The following INSC variants were observed in gnomAD, a reference collection of about 807,000 sequenced individuals.
INSC encodes the protein protein inscuteable homolog.
In INSC, 67 loss-of-function variants were observed where a neutral mutation model predicts 58.6. The ratio of observed to expected loss-of-function variants is 1.14; its 90% CI spans 0.94 to 1.40. The LOEUF (loss-of-function observed/expected upper bound fraction) is 1.40. INSC is among the 40% of genes most tolerant of loss of function. The probability of loss-of-function intolerance (pLI) is 0.00; values close to 1 mark genes in which losing one functional copy is unlikely to be tolerated. For missense variants in INSC, 714 were observed against 692.0 expected, an observed-to-expected ratio of 1.03 and a Z score of -0.36; for synonymous variants, 262 against 276.1, an observed-to-expected ratio of 0.95 and a Z score of 0.51.
intron 1 of INSC, among the ~76,000 whole-genome samples, chr11:15,126,831 C>T (rs1044950202): frequency 6.6e-6 from 1 of 152,188 alleles, no homozygotes; most frequent in Non-Finnish European, 1.5e-5. Flanking sequence ...CCCATCTTGA[C>T]CCAGACAAAA....
At chr11:15,133,853 AT>A (rs1848180210) in intron 1 of INSC, among the ~76,000 whole-genome samples, 1 of 152,234 alleles carries the variant, frequency 6.6e-6, no homozygotes, top group Non-Finnish European at 1.5e-5. Flanking sequence ...AAGCATCATT[AT>A]TCATCCTTTA....
chr11:15,240,534 A>T lies in INSC; in HGVS notation c.1470+11A>T, dbSNP rs140254270. On this transcript the variant is annotated intron_variant, in intron 12 of 12. Coordinates refer to ENST00000379556, the MANE Select transcript of INSC (RefSeq NM_001042536.3). Reference sequence around the variant, plus strand: ...CTTGTGGCCTGCCTGGTGAGTTCTCAGTCTTCCCCCAGCTTTTCCCCTGGC... The same window carrying T: ...CTTGTGGCCTGCCTGGTGAGTTCTCTGTCTTCCCCCAGCTTTTCCCCTGGC... 7 of 1,610,830 alleles carry T rather than the reference A, an allele frequency of 4.3e-6. No individual in the cohort carries two copies. In the Admixed American group the frequency reaches 1.2e-4, roughly 27 times the overall value.
intron 1 of INSC, among the ~76,000 whole-genome samples, chr11:15,125,242 G>C (rs1265543054): frequency 6.6e-6 from 1 of 152,202 alleles, no homozygotes; most frequent in African/African-American, 2.4e-5. Context: ...AGGCATGCTT[G>C]AGAAAGAGCC....
At chr11:15,121,083 T>C (rs1847861450) in intron 1 of INSC, among the ~76,000 whole-genome samples, 1 of 151,764 alleles carries the variant, frequency 6.6e-6, no homozygotes, top group Non-Finnish European at 1.5e-5. Context: ...TGTTTATGTT[T>C]CTGATTAATT....
chr11:15,123,636 G>A (rs749886889), intron 1 of INSC, among the ~76,000 whole-genome samples: 5 of 152,136 alleles, frequency 3.3e-5, no homozygotes, highest in Non-Finnish European at 5.9e-5. Context: ...CTTTTGGGAG[G>A]CTGGTGACAG....
rs116481872 is a variant in INSC, at chr11:15,115,854, C to T, written c.-46+851C>T. Among the ~76,000 whole-genome samples the T allele has an allele frequency of 8.6e-3, 1,305 of 152,350 alleles. 18 individuals are homozygous for T. Among genetic ancestry groups the T allele is most frequent in the African/African-American group, 0.03 (1,247 of 41,574 alleles). On this transcript the variant is annotated intron_variant, in intron 1 of 12. Transcript: ENST00000379556. The stretch of plus-strand genomic sequence containing the variant: ...CAACGACATGTATGCAACATGCACC[C>T]ACTTTGTTCAATGCATATGCGCAAA...
intron 8 of INSC, among the ~76,000 whole-genome samples, chr11:15,223,274 T>G (rs1376842424): frequency 6.6e-6 from 1 of 152,244 alleles, no homozygotes; most frequent in South Asian, 2.1e-4. Flanking sequence ...CTTTCACTAT[T>G]GTCATGTATT....
chr11:15,190,691 CTCT>C lies in INSC; in HGVS notation c.580-5_580-3del. 4.4e-6 allele frequency: 7 copies of C among 1,600,412 alleles called. No homozygotes were observed. Among genetic ancestry groups the C allele is most frequent in the Non-Finnish European group, 6.0e-6 (7 of 1,167,530 alleles). On this transcript the variant is annotated splice_region_variant and splice_polypyrimidine_tract_variant and intron_variant, in intron 5 of 12. Coordinates refer to ENST00000379556, the MANE Select transcript of INSC (RefSeq NM_001042536.3). The stretch of plus-strand genomic sequence containing the variant: ...AGTAACTACTAGCTAACTTTTCTCT[CTCT>C]TCTTAGGCACTGGTGAGAAAAATTG...
chr11:15,140,962 G>A (rs975815093), intron 1 of INSC, among the ~76,000 whole-genome samples: 1 of 152,104 alleles, frequency 6.6e-6, no homozygotes, highest in African/African-American at 2.4e-5. Flanking sequence ...CTGAAAAATG[G>A]AGATAACAAT....
At chr11:15,164,917 C>A (rs1285225048) in intron 2 of INSC, among the ~76,000 whole-genome samples, 3 of 152,144 alleles carry the variant, frequency 2.0e-5, no homozygotes, top group Non-Finnish European at 2.9e-5. Flanking sequence ...TAAGATGTGC[C>A]TTTCGCCTTC....
rs2133990768 is a variant in INSC, at chr11:15,246,137, CTTA to C, written c.*100_*102del. 1 of 1,266,204 alleles carries C rather than the reference CTTA, an allele frequency of 7.9e-7. No individual in the cohort carries two copies. Among genetic ancestry groups the C allele is most frequent in the South Asian group, 1.7e-5 (1 of 58,770 alleles). 78.4% of individuals were successfully genotyped at this position (1,266,204 alleles called of 1,614,324 possible). On this transcript the variant is annotated 3_prime_UTR_variant, in exon 13 of 13. Coordinates refer to ENST00000379556, the MANE Select transcript of INSC (RefSeq NM_001042536.3). Reference sequence around the variant, plus strand: ...AGTACATACCAGCTCTCCTCATCTTCTTATTTATACTTAACTTATTTTTGTGTG... The same window carrying C: ...AGTACATACCAGCTCTCCTCATCTTCTTTATACTTAACTTATTTTTGTGTG...
At chr11:15,197,183 G>A (rs955297575) in intron 6 of INSC, among the ~76,000 whole-genome samples, 1 of 152,140 alleles carries the variant, frequency 6.6e-6, no homozygotes, top group African/African-American at 2.4e-5. Context: ...AGCAGAGCTG[G>A]GATTTTAACC....
At chr11:15,201,764 G>A (rs1316813231) in intron 7 of INSC, among the ~76,000 whole-genome samples, 2 of 152,170 alleles carry the variant, frequency 1.3e-5, no homozygotes, top group Admixed American at 6.5e-5. Flanking sequence ...GGCCTGGTAC[G>A]TCCTGCTACT....
Position 15,178,185 on chromosome 11 carries a change from T to C in INSC, c.456-139T>C, listed in dbSNP as rs1338830617. The C allele has an allele frequency of 1.1e-5, 13 of 1,143,434 alleles. No individual in the cohort carries two copies. The African/African-American group carries it at 1.8e-4, about 16-fold the overall frequency. The allele number at this position is 1,143,434 out of a possible 1,614,324, so 70.8% of individuals were successfully genotyped here. On this transcript the variant is annotated intron_variant, in intron 4 of 12. Transcript: ENST00000379556. ...ACCAGTGGGCAAGCCAGCTGTGGAA[T>C]ATTCCATCTCTGACTCCCAGTTGCC...
chr11:15,257,798 C>G, the INSC span, among the ~76,000 whole-genome samples: 1 of 152,156 alleles, frequency 6.6e-6, no homozygotes, highest in East Asian at 1.9e-4. Context: ...TGGAGCCCAT[C>G]CGTCTCTAGT....
intron 1 of INSC, among the ~76,000 whole-genome samples, chr11:15,128,122 G>GA (rs940858476): frequency 7.1e-4 from 105 of 147,114 alleles, no homozygotes; most frequent in Middle Eastern, 7.0e-3. Flanking sequence ...GTACAGAGTT[G>GA]AAAAAAAAAA....
the INSC span, among the ~76,000 whole-genome samples, chr11:15,260,300 C>T: frequency 1.3e-5 from 2 of 152,082 alleles, no homozygotes; most frequent in Non-Finnish European, 2.9e-5. Context: ...GACTGGGTAC[C>T]TGAAAAGACA....
chr11:15,236,715 G>A (rs752831389), intron 10 of INSC, among the ~76,000 whole-genome samples: 2 of 152,202 alleles, frequency 1.3e-5, no homozygotes, highest in African/African-American at 2.4e-5. Context: ...ATTAGCAACC[G>A]GTTGGAAACC....
In INSC at chr11:15,175,943, G is replaced by A. The variant is rs775363078; in HGVS notation, c.259G>A (p.Glu87Lys). ...CAAACGGGGTTGGGTCATTAGCACAGAGCTGCGCAGGATCGGGCAGAAGCT... is the reference window on the plus strand; with the variant it reads ...CAAACGGGGTTGGGTCATTAGCACAAAGCTGCGCAGGATCGGGCAGAAGCT... ...LLKRGWVISTELRRIGQKLAQ... is the reference protein window; with the variant it reads ...LLKRGWVISTKLRRIGQKLAQ... The change falls in exon 3 of 13, where the codon GAG becomes AAG. Residue 87 changes from glutamate (E) to lysine (K), a missense_variant. Transcript: ENST00000379556. 8.1e-6 allele frequency: 13 copies of A among 1,614,184 alleles called. No individual in the cohort carries two copies. The highest frequency in any genetic ancestry group is 1.7e-4 in the Middle Eastern group (1 of 6,060).
Sources: gnomAD v4.1 joint callset for allele counts (sites outside exome capture counted in the v4.1 genomes callset) on GRCh38, gnomAD v4.1.1 for gene constraint, MANE v1.5 for transcripts, NCBI Gene and HGNC (gene_info 2026-07-23, HGNC 2026-07-21) for gene names.